Variants in RNGTT observed in about 807,000 individuals in gnomAD.
RNGTT encodes the protein mRNA-capping enzyme.
Under a neutral mutation model 79.3 loss-of-function variants are expected in RNGTT, and 33 were observed. The ratio of observed to expected loss-of-function variants is 0.42; its 90% confidence interval spans 0.32 to 0.56. The LOEUF (loss-of-function observed/expected upper bound fraction) is 0.56, where lower values mean the gene tolerates loss of function less well. RNGTT is among the 20% of genes least tolerant of loss of function. The probability of loss-of-function intolerance (pLI) is 0.17; values close to 1 mark genes in which losing one functional copy is unlikely to be tolerated. For synonymous variants in RNGTT, 222 were observed against 235.9 expected (o/e 0.94, Z 0.54); for missense variants, 497 against 739.1 (o/e 0.67, Z 3.80).
chr6:88,874,836 A>T (rs1263936338), intron 8 of RNGTT, among the ~76,000 whole-genome samples: 1 of 152,096 alleles, frequency 6.6e-6, no homozygotes, highest in African/African-American at 2.4e-5. Flanking sequence ...AAATCCATCT[A>T]TGAACACCCA....
chr6:88,665,838 C>T (rs746421624), intron 14 of RNGTT, among the ~76,000 whole-genome samples: 17 of 152,180 alleles, frequency 1.1e-4, no homozygotes, highest in Non-Finnish European at 1.5e-4. Flanking sequence ...CCATGGCAGT[C>T]GGGTGCGTCA....
At chr6:88,735,567 TAA>T (rs71554796) in intron 13 of RNGTT, among the ~76,000 whole-genome samples, 22 of 120,730 alleles carry the variant, frequency 1.8e-4, no homozygotes, top group Non-Finnish European at 1.9e-4. Flanking sequence ...ACACGAGTGT[TAA>T]AAAAAAAAAA....
intron 4 of RNGTT, among the ~76,000 whole-genome samples, chr6:88,926,683 T>C (rs966218114): frequency 2.0e-5 from 3 of 152,218 alleles, no homozygotes; most frequent in African/African-American, 7.2e-5. Flanking sequence ...TAGGATATAA[T>C]CCACACTCTA....
intron 12 of RNGTT, among the ~76,000 whole-genome samples, chr6:88,774,392 C>T (rs1778801988): frequency 6.6e-6 from 1 of 151,988 alleles, no homozygotes; most frequent in African/African-American, 2.4e-5. Flanking sequence ...AATGGTGCAG[C>T]CACTATAGAT....
chr6:88,720,389 T>C (rs1422882774), intron 13 of RNGTT, among the ~76,000 whole-genome samples: 3 of 152,080 alleles, frequency 2.0e-5, no homozygotes, highest in African/African-American at 7.2e-5. Context: ...CCACAATCCC[T>C]TTACCCTCAC....
intron 14 of RNGTT, among the ~76,000 whole-genome samples, chr6:88,622,809 C>T (rs1355823073): frequency 1.3e-5 from 2 of 152,112 alleles, no homozygotes; most frequent in Non-Finnish European, 2.9e-5. Context: ...CTGACAAATA[C>T]TGATCAACCA....
At chr6:88,687,322 G>A (rs1234880741) in intron 13 of RNGTT, among the ~76,000 whole-genome samples, 1 of 152,046 alleles carries the variant, frequency 6.6e-6, no homozygotes, top group Non-Finnish European at 1.5e-5. Flanking sequence ...AGACACTCTC[G>A]TATACTACTA....
At chr6:88,696,128 T>C (rs904116661) in intron 13 of RNGTT, among the ~76,000 whole-genome samples, 2 of 152,168 alleles carry the variant, frequency 1.3e-5, no homozygotes, top group African/African-American at 4.8e-5. Flanking sequence ...CACTTCAAAA[T>C]TGCTAAGACA....
intron 2 of RNGTT, among the ~76,000 whole-genome samples, chr6:88,938,477 T>C (rs895307972): frequency 1.3e-5 from 2 of 152,224 alleles, no homozygotes; most frequent in Non-Finnish European, 2.9e-5. Flanking sequence ...TGTTTCTATA[T>C]CCATTCGGCC....
At chr6:88,917,267 A>C (rs2127948553) in intron 4 of RNGTT, among the ~76,000 whole-genome samples, 1 of 152,352 alleles carries the variant, frequency 6.6e-6, no homozygotes, top group East Asian at 1.9e-4. Flanking sequence ...CTGGTATAAT[A>C]AAATGACCAT....
intron 1 of RNGTT, among the ~76,000 whole-genome samples, chr6:88,948,159 GC>G (rs1785086508): frequency 4.3e-5 from 1 of 23,382 alleles, no homozygotes; most frequent in African/African-American, 1.8e-4. Flanking sequence ...CCGGCCAGCC[GC>G]CCCGTCCGGG....
intron 1 of RNGTT, among the ~76,000 whole-genome samples, chr6:88,954,812 G>A (rs1005300097): frequency 3.3e-5 from 5 of 151,940 alleles, no homozygotes; most frequent in African/African-American, 1.2e-4. Context: ...GGAAGCTGAG[G>A]TGGGTGGATC....
chr6:88,624,853 A>G lies in RNGTT; in HGVS notation c.1507-10458T>C, dbSNP rs903620367. ...CAGAGAATTTGTACCAGAACACATG[A>G]AAAAAATCTTAAAACTCAGTAAGAA... On this transcript the variant is annotated intron_variant, in intron 14 of 15. Transcript: ENST00000369485. Among the ~76,000 whole-genome samples the G allele has an allele frequency of 4.6e-5, 7 of 151,926 alleles. No homozygotes were observed. In the South Asian group the frequency reaches 1.4e-3, roughly 31 times the overall value.
chr6:88,744,543 A>G (rs568343684), intron 13 of RNGTT, among the ~76,000 whole-genome samples: 11 of 152,308 alleles, frequency 7.2e-5, no homozygotes, highest in Admixed American at 5.9e-4. Flanking sequence ...AACAGGCATG[A>G]GCCACCGTGC....
Position 88,797,628 on chromosome 6 carries a change from T to A in RNGTT, c.1338+3936A>T, listed in dbSNP as rs9351184. 4.5e-4 allele frequency among the ~76,000 whole-genome samples: 68 copies of A among 152,066 alleles called. 2 individuals are homozygous for A. The East Asian group carries it at 0.013, about 29-fold the overall frequency. On this transcript the variant is annotated intron_variant, in intron 12 of 15. Transcript: ENST00000369485. The stretch of plus-strand genomic sequence containing the variant: ...GTTTAAAGAAAGAAATATTAATAAT[T>A]ATAATAACCAAAAATATTCCTAATG...
chr6:88,676,940 G>A (rs1020985861), intron 14 of RNGTT, among the ~76,000 whole-genome samples: 4 of 152,038 alleles, frequency 2.6e-5, no homozygotes, highest in Non-Finnish European at 5.9e-5. Flanking sequence ...TGCAAAACTC[G>A]TACACAAATG....
chr6:88,902,229 G>A (rs1251534639), intron 6 of RNGTT, among the ~76,000 whole-genome samples: 4 of 151,570 alleles, frequency 2.6e-5, no homozygotes, highest in Non-Finnish European at 5.9e-5. Context: ...CTCATCATGG[G>A]GTTTAAGATA....
In RNGTT at chr6:88,640,364, G is replaced by A. The variant is rs1356195818; in HGVS notation, c.1507-25969C>T. On this transcript the variant is annotated intron_variant, in intron 14 of 15. Coordinates refer to ENST00000369485, the MANE Select transcript of RNGTT (RefSeq NM_003800.5). ...CAGGAGTTTGAGACCAACATAGGCA[G>A]CATACCGAGACCCTGTCTCTACAAA... is the stretch of plus-strand genomic sequence containing the variant. 2.8e-5 allele frequency among the ~76,000 whole-genome samples: 4 copies of A among 143,746 alleles called. No individual in the cohort carries two copies. The Admixed American group carries it at 2.9e-4, about 10-fold the overall frequency. The allele number at this position is 143,746 out of a possible 152,430, so 94.3% of individuals were successfully genotyped here.
chr6:88,698,049 CAT>C (rs1340222573), intron 13 of RNGTT, among the ~76,000 whole-genome samples: 15 of 74,640 alleles, frequency 2.0e-4, no homozygotes, highest in African/African-American at 1.3e-3. Context: ...ATATGAAATA[CAT>C]ATATATGATA....
Sources: allele counts gnomAD v4.1 joint callset (sites outside exome capture counted in the v4.1 genomes callset), GRCh38; gene constraint gnomAD v4.1.1; transcripts MANE v1.5; gene names NCBI Gene and HGNC (gene_info 2026-07-23, HGNC 2026-07-21).